The following KIAA1217 variants were observed in gnomAD, a reference collection of about 807,000 sequenced individuals.
KIAA1217 encodes sickle tail protein homolog.
Under a neutral mutation model 163.9 loss-of-function variants are expected in KIAA1217, and 88 were observed. The observed-to-expected ratio is 0.54, with a 90% CI of 0.45 to 0.64. KIAA1217 has a LOEUF of 0.64. Ranked by LOEUF, KIAA1217 falls within the 30% of genes least tolerant of loss-of-function variation. The probability of loss-of-function intolerance (pLI) is 0.00; values close to 1 mark genes in which losing one functional copy is unlikely to be tolerated. For missense variants in KIAA1217, 2,372 were observed against 2,475.0 expected, an observed-to-expected ratio of 0.96 and a Z score of 0.88; for synonymous variants, 903 against 923.1, an observed-to-expected ratio of 0.98 and a Z score of 0.39.
intron 1 of KIAA1217, among the ~76,000 whole-genome samples, chr10:23,734,753 A>G (rs1029383214): frequency 6.6e-6 from 1 of 152,118 alleles, no homozygotes; most frequent in Admixed American, 6.5e-5. Flanking sequence ...GCATTTAGAT[A>G]TGGCTTATTC....
intron 2 of KIAA1217, among the ~76,000 whole-genome samples, chr10:24,114,526 T>C (rs536447919): frequency 6.6e-6 from 1 of 152,298 alleles, no homozygotes; most frequent in South Asian, 2.1e-4. Context: ...GAATCATGTG[T>C]GTATCTTCTC....
At chr10:24,545,159 C>A in intron 20 of KIAA1217, 56 bp downstream of exon 20, 1 of 1,608,478 alleles carries the variant, frequency 6.2e-7, no homozygotes, top group Non-Finnish European at 8.5e-7. Context: ...AAGCAAGTCA[C>A]TGACTTAGTT....
intron 2 of KIAA1217, among the ~76,000 whole-genome samples, chr10:24,191,552 A>AATAT (rs59779872): frequency 0.039 from 5,787 of 148,264 alleles, 125 homozygotes; most frequent in South Asian, 0.066. Context: ...TGTACCCACA[A>AATAT]ATATATATAT....
chr10:24,047,616 T>C (rs1222089330), intron 2 of KIAA1217, among the ~76,000 whole-genome samples: 1 of 152,216 alleles, frequency 6.6e-6, no homozygotes, highest in Non-Finnish European at 1.5e-5. Flanking sequence ...AGGAAAACTC[T>C]ATTATCAGCC....
intron 3 of KIAA1217, among the ~76,000 whole-genome samples, chr10:24,414,424 G>A (rs1442614130): frequency 1.3e-5 from 2 of 152,222 alleles, no homozygotes; most frequent in African/African-American, 4.8e-5. Context: ...TGTTATGATT[G>A]GGGTAGCTCA....
At chr10:23,798,773 T>C (rs1057097917) in intron 1 of KIAA1217, among the ~76,000 whole-genome samples, 4 of 152,224 alleles carry the variant, frequency 2.6e-5, no homozygotes, top group African/African-American at 9.6e-5. Context: ...AGATTCTTTG[T>C]GGACAGTCTC....
chr10:24,392,772 G>A (rs1359443185), intron 3 of KIAA1217, among the ~76,000 whole-genome samples: 1 of 152,160 alleles, frequency 6.6e-6, no homozygotes. Context: ...GCAATGGTTT[G>A]GTTGGAACAA....
intron 2 of KIAA1217, among the ~76,000 whole-genome samples, chr10:24,292,768 T>G (rs2079215158): frequency 6.6e-6 from 1 of 152,126 alleles, no homozygotes; most frequent in South Asian, 2.1e-4. Flanking sequence ...AGGTAAACGC[T>G]TAGGATATCG....
chr10:24,276,998 A>G (rs1478168878), intron 2 of KIAA1217, among the ~76,000 whole-genome samples: 1 of 152,116 alleles, frequency 6.6e-6, no homozygotes, highest in Non-Finnish European at 1.5e-5. Context: ...ACCTCAAGCA[A>G]TCCTCCCACC....
At chr10:24,165,363 A>G (rs756575355) in intron 2 of KIAA1217, among the ~76,000 whole-genome samples, 8 of 152,312 alleles carry the variant, frequency 5.3e-5, no homozygotes, top group Middle Eastern at 3.4e-3. Context: ...CCCAAGATCC[A>G]TATGTGGATG....
chr10:24,027,802 C>T (rs189505693), intron 2 of KIAA1217, among the ~76,000 whole-genome samples: 42 of 152,036 alleles, frequency 2.8e-4, no homozygotes, highest in African/African-American at 5.3e-4. Flanking sequence ...TAAGAATTCC[C>T]GGGAAACTCC....
At chr10:23,819,727 A>G (rs1837531261) in intron 1 of KIAA1217, among the ~76,000 whole-genome samples, 1 of 152,170 alleles carries the variant, frequency 6.6e-6, no homozygotes, top group African/African-American at 2.4e-5. Context: ...TGTCTTGGTG[A>G]TTTGAAACTT....
intron 3 of KIAA1217, among the ~76,000 whole-genome samples, chr10:24,388,841 C>CA (rs201230880): frequency 0.48 from 63,843 of 133,870 alleles, 17,777 homozygotes; most frequent in African/African-American, 0.76. Context: ...AAATGCAAAT[C>CA]AATCCACAAT....
rs527419822 is a variant in KIAA1217 at position 23,865,698 on chromosome 10, T to C, written c.-320-141527T>C. Among the ~76,000 whole-genome samples the C allele has an allele frequency of 3.3e-5, 5 of 152,306 alleles. 1 individual carries two copies. The South Asian group carries it at 8.3e-4, about 25-fold the overall frequency. On this transcript the variant is annotated intron_variant, in intron 1 of 18. Coordinates refer to the KIAA1217 transcript ENST00000376462. Reference sequence around the variant, plus strand: ...CGTTTAAATCTTAATTTAGCTAGAATTTATTTTTGTATTCTATATAGGATG... The same window carrying C: ...CGTTTAAATCTTAATTTAGCTAGAACTTATTTTTGTATTCTATATAGGATG...
intron 1 of KIAA1217, among the ~76,000 whole-genome samples, chr10:23,978,420 G>A (rs1845629542): frequency 1.3e-5 from 2 of 152,156 alleles, no homozygotes; most frequent in Admixed American, 1.3e-4. Flanking sequence ...ATGTGTGGGT[G>A]TCTTTTCTGA....
chr10:23,785,437 T>C (rs1354907953), intron 1 of KIAA1217, among the ~76,000 whole-genome samples: 3 of 152,290 alleles, frequency 2.0e-5, no homozygotes, highest in Middle Eastern at 3.4e-3. Flanking sequence ...ATTAGGAACA[T>C]GCTTGAGTCC....
At chr10:24,465,932 C>T (rs1258745100) in intron 5 of KIAA1217, among the ~76,000 whole-genome samples, 3 of 152,148 alleles carry the variant, frequency 2.0e-5, no homozygotes, top group Non-Finnish European at 2.9e-5. Context: ...ATCTTTCCTT[C>T]TCGTTTCAGA....
chr10:23,860,248 T>A (rs1839889958), intron 1 of KIAA1217, among the ~76,000 whole-genome samples: 1 of 151,090 alleles, frequency 6.6e-6, no homozygotes, highest in African/African-American at 2.5e-5. Context: ...TTTTTTTTTT[T>A]ATCTTGACGC....
chr10:23,850,783 G>A (rs932773973), intron 1 of KIAA1217, among the ~76,000 whole-genome samples: 3 of 152,124 alleles, frequency 2.0e-5, no homozygotes, highest in Non-Finnish European at 4.4e-5. Flanking sequence ...CAGGAAGCAT[G>A]GCTGGGGAGG....
Sources: allele counts gnomAD v4.1 joint callset (sites outside exome capture counted in the v4.1 genomes callset), GRCh38; gene constraint gnomAD v4.1.1; transcripts MANE v1.5; gene names NCBI Gene and HGNC (gene_info 2026-07-23, HGNC 2026-07-21).